Variants in ZNF626 observed in about 807,000 individuals in gnomAD.
ZNF626 encodes the protein CTC-513N18.7.
In ZNF626, 4 loss-of-function variants were observed where a neutral mutation model predicts 11.7. The ratio of observed to expected loss-of-function variants is 0.34; its 90% CI spans 0.17 to 0.78. The LOEUF (loss-of-function observed/expected upper bound fraction) is 0.78, where lower values mean the gene tolerates loss of function less well. ZNF626 is among the 30% of genes least tolerant of loss of function. The pLI, the probability that ZNF626 is intolerant of heterozygous loss-of-function variation, is 0.57. For missense variants in ZNF626, 588 were observed against 587.1 expected, an observed-to-expected ratio of 1.00 and a Z score of -0.01; for synonymous variants, 179 against 198.6, an observed-to-expected ratio of 0.90 and a Z score of 0.83.
chr19:20,637,197 T>A (rs928924746), intron 3 of ZNF626, among the ~76,000 whole-genome samples: 5 of 152,100 alleles, frequency 3.3e-5, no homozygotes, highest in Admixed American at 1.3e-4. Flanking sequence ...TATGTAAATG[T>A]GCATAAATCG....
chr19:20,655,502 T>G (rs994806679), intron 1 of ZNF626, among the ~76,000 whole-genome samples: 1 of 152,240 alleles, frequency 6.6e-6, no homozygotes, highest in Non-Finnish European at 1.5e-5. Flanking sequence ...GCAATACATC[T>G]TAAGTACTTA....
chr19:20,631,155 C>G (rs1969900007), intron 3 of ZNF626, among the ~76,000 whole-genome samples: 1 of 152,018 alleles, frequency 6.6e-6, no homozygotes, highest in Non-Finnish European at 1.5e-5. Context: ...GTTATAATTT[C>G]TGTTCTTTTA....
At chr19:20,661,246 G>C (rs613462) in intron 1 of ZNF626, among the ~76,000 whole-genome samples, 198 bp downstream of exon 1, 32,725 of 152,140 alleles carry the variant, frequency 0.22, 4,103 homozygotes, top group East Asian at 0.36. Flanking sequence ...GCAGTGAAGA[G>C]ACAAGACGCC....
chr19:20,658,369 T>C (rs1568463132), intron 1 of ZNF626, among the ~76,000 whole-genome samples: 1 of 152,006 alleles, frequency 6.6e-6, no homozygotes, highest in Non-Finnish European at 1.5e-5. Context: ...AACGCTAGGA[T>C]CAAAAATGCC....
chr19:20,640,396 AC>A (rs1970011494), intron 3 of ZNF626, among the ~76,000 whole-genome samples: 1 of 151,456 alleles, frequency 6.6e-6, no homozygotes, highest in African/African-American at 2.4e-5. Context: ...AACAAATGAA[AC>A]AGAAAAGTTT....
intron 1 of ZNF626, 21 bp downstream of exon 1, chr19:20,661,423 A>C: frequency 6.2e-7 from 1 of 1,613,740 alleles, no homozygotes; most frequent in Middle Eastern, 1.7e-4. Context: ...CTCTCTCGGG[A>C]TGTCGGACCC....
chr19:20,627,232 A>T (rs1200800522), intron 3 of ZNF626, among the ~76,000 whole-genome samples: 1 of 152,200 alleles, frequency 6.6e-6, no homozygotes, highest in African/African-American at 2.4e-5. Flanking sequence ...GATACACACA[A>T]AGATATTTGT....
At chr19:20,632,773 C>A (rs1555770490) in intron 3 of ZNF626, among the ~76,000 whole-genome samples, 1 of 152,116 alleles carries the variant, frequency 6.6e-6, no homozygotes, top group Non-Finnish European at 1.5e-5. Flanking sequence ...CATCTGAAGC[C>A]TTCTCTCAAC....
intron 1 of ZNF626, among the ~76,000 whole-genome samples, chr19:20,646,611 T>C (rs953594195): frequency 3.9e-5 from 6 of 152,152 alleles, no homozygotes; most frequent in African/African-American, 1.4e-4. Flanking sequence ...ATCCACAACA[T>C]CAATTCATGT....
At chr19:20,636,931 G>A (rs191732327) in intron 3 of ZNF626, among the ~76,000 whole-genome samples, 2 of 142,762 alleles carry the variant, frequency 1.4e-5, no homozygotes, top group South Asian at 2.3e-4. Context: ...CAAGGCAGGA[G>A]AATTTCTTGA....
In ZNF626 at chr19:20,625,023, T is replaced by C. The variant is rs1244794096; in HGVS notation, c.854A>G (p.Tyr285Cys). 1 of 1,613,766 alleles carries C rather than the reference T, an allele frequency of 6.2e-7. No individual in the cohort carries two copies. The highest frequency in any genetic ancestry group is 8.5e-7 in the Non-Finnish European group (1 of 1,179,986). ...HEIIHTEKKP[Y>C]KCEECGKAFN... ...GGCTTTGCCACATTCTTCACATTTG[T>C]AGGGTTTCTTTTCCGTATGAATTAT... The change falls in exon 4 of 4, where the codon TAC becomes TGC. Residue 285 changes from tyrosine (Y) to cysteine (C), a missense_variant. Transcript: ENST00000601440.
rs879952180 is a variant in ZNF626, at chr19:20,661,550, A to C, written c.-104T>G. On this transcript the variant is annotated 5_prime_UTR_variant, in exon 1 of 4. Coordinates refer to ENST00000601440, the MANE Select transcript of ZNF626 (RefSeq NM_001076675.3). ...CCTTTAGGAGAAGAACCAGACCTGG[A>C]GCTCTGACTGCAGCGAGAGACAAAG... is the stretch of plus-strand genomic sequence containing the variant. The C allele has an allele frequency of 1.5e-6, 2 of 1,305,076 alleles. No individual in the cohort carries two copies. The highest frequency in any genetic ancestry group is 2.7e-5 in the South Asian group (2 of 75,268). The allele number at this position is 1,305,076 out of a possible 1,614,324, so 80.8% of individuals were successfully genotyped here.
chr19:20,653,183 C>A (rs1970166355), intron 1 of ZNF626, among the ~76,000 whole-genome samples: 1 of 151,982 alleles, frequency 6.6e-6, no homozygotes, highest in Non-Finnish European at 1.5e-5. Flanking sequence ...TCTGGTTGGC[C>A]CTTATGTGTT....
rs147914119 is a variant in ZNF626, at chr19:20,625,041, T to A, written c.836A>T (p.His279Leu). The A allele has an allele frequency of 7.1e-4, 1,139 of 1,613,918 alleles. 1 individual carries two copies. Among genetic ancestry groups the A allele is most frequent in the Non-Finnish European group, 9.0e-4 (1,065 of 1,179,986 alleles). The change falls in exon 4 of 4, where the codon CAT (histidine) becomes CTT (leucine). Residue 279 changes from histidine to leucine, a missense_variant. Physicochemically the swap from His to Leu is moderately conservative, Grantham distance 99. Coordinates refer to ENST00000601440, the MANE Select transcript of ZNF626 (RefSeq NM_001076675.3). ...SSTLSKHEII[H>L]TEKKPYKCEE... ...ACATTTGTAGGGTTTCTTTTCCGTATGAATTATCTCATGTTTACTAAGGGT... is the reference window on the plus strand; with the variant it reads ...ACATTTGTAGGGTTTCTTTTCCGTAAGAATTATCTCATGTTTACTAAGGGT...
chr19:20,653,641 CA>C lies in ZNF626; in HGVS notation c.4-7237del, dbSNP rs200611424. 6.9e-3 allele frequency among the ~76,000 whole-genome samples: 279 copies of C among 40,428 alleles called. 2 individuals carry two copies. Among genetic ancestry groups the C allele is most frequent in the African/African-American group, 0.052 (273 of 5,226 alleles). The allele number at this position is 40,428 out of a possible 152,430, so 26.5% of individuals were successfully genotyped here. On this transcript the variant is annotated intron_variant, in intron 1 of 3. Transcript: ENST00000601440. The stretch of plus-strand genomic sequence containing the variant: ...GAGACTCTGTCCCCTGCCCTCCCAG[CA>C]AAAAAAAAAAGAAAAAGAAAAAAAG...
rs114587244 is a variant in ZNF626, at chr19:20,646,587, A to G, written c.4-182T>C. Among the ~76,000 whole-genome samples, 419 of 152,376 alleles carry G rather than the reference A, an allele frequency of 2.7e-3. 1 individual carries two copies. The highest frequency in any genetic ancestry group is 9.4e-3 in the African/African-American group (390 of 41,590). The stretch of plus-strand genomic sequence containing the variant: ...AATGTATTCTCTAACTCTGAGAAGA[A>G]AGAGCAGCATAAGATCCACAACATC... On this transcript the variant is annotated intron_variant, in intron 1 of 3. Transcript: ENST00000601440.
chr19:20,646,198 G>C, intron 2 of ZNF626, 81 bp downstream of exon 2: 1 of 1,422,598 alleles, frequency 7.0e-7, no homozygotes, highest in Middle Eastern at 2.0e-4. Context: ...TTTATGCAAA[G>C]AATAAATTAC....
intron 3 of ZNF626, among the ~76,000 whole-genome samples, chr19:20,634,231 T>C (rs956804567): frequency 1.2e-4 from 19 of 152,164 alleles, no homozygotes; most frequent in African/African-American, 4.3e-4. Flanking sequence ...ATTTCAATAC[T>C]CCACTTTCTG....
In ZNF626 at chr19:20,624,881, T is replaced by G. The variant is rs782374080; in HGVS notation, c.996A>C (p.Lys332Asn). 2 of 1,604,094 alleles carry G rather than the reference T, an allele frequency of 1.2e-6. No homozygotes were observed. Among genetic ancestry groups the G allele is most frequent in the East Asian group, 4.5e-5 (2 of 44,192 alleles). ...FKYSYTLTTH[K>N]RIHTEDKPYK... The stretch of plus-strand genomic sequence containing the variant: ...AGGGTTTGTCTTCAGTATGAATTCT[T>G]TTATGTGTAGTAAGGGTATAGGAGT... The change falls in exon 4 of 4, where the codon AAA (lysine) becomes AAC (asparagine). Residue 332 changes from lysine to asparagine, a missense_variant. Lys to Asn is a moderately conservative substitution (Grantham distance 94, BLOSUM62 0). Coordinates refer to ENST00000601440, the MANE Select transcript of ZNF626 (RefSeq NM_001076675.3).
Sources: allele counts gnomAD v4.1 joint callset (sites outside exome capture counted in the v4.1 genomes callset), GRCh38; gene constraint gnomAD v4.1.1; transcripts MANE v1.5; gene names NCBI Gene and HGNC (gene_info 2026-07-23, HGNC 2026-07-21).